Variants in LRP1B observed in about 807,000 individuals in gnomAD.
LRP1B encodes the protein LDL receptor related protein 1B, also known as low-density lipoprotein receptor-related protein 1B.
LRP1B carries 217 observed loss-of-function variants against 556.6 expected under a neutral mutation model. The ratio of observed to expected loss-of-function variants is 0.39; its 90% CI spans 0.35 to 0.44. The LOEUF (loss-of-function observed/expected upper bound fraction) is 0.44, where lower values mean the gene tolerates loss of function less well. Among genes scored for constraint, LRP1B ranks in the 20% least tolerant of loss-of-function variants. LRP1B has a pLI of 1.00. For synonymous variants in LRP1B, 2,047 were observed against 1,865.8 expected, an observed-to-expected ratio of 1.10 and a Z score of -2.50; for missense variants, 5,053 against 5,620.8, an observed-to-expected ratio of 0.90 and a Z score of 3.23.
intron 7 of LRP1B, among the ~76,000 whole-genome samples, chr2:141,108,334 C>CTT (rs60275697): frequency 0.043 from 3,757 of 87,818 alleles, 652 homozygotes; most frequent in Non-Finnish European, 0.046. Context: ...TAATCTGTTT[C>CTT]TTTTTTTTTT....
In LRP1B at chr2:141,583,225, T is replaced by A. The variant is rs540891366; in HGVS notation, c.206-102692A>T. 4.5e-4 allele frequency among the ~76,000 whole-genome samples: 69 copies of A among 152,132 alleles called. 1 individual carries two copies. Among genetic ancestry groups the A allele is most frequent in the African/African-American group, 1.6e-3 (68 of 41,522 alleles). ...GAAGACTTATTTCGCAACTGAAAAA[T>A]TGTATGGAAATCTGGAATGAGTAGC... On this transcript the variant is annotated intron_variant, in intron 2 of 90. Transcript: ENST00000389484.
At chr2:141,534,860 A>G (rs561438386) in intron 2 of LRP1B, among the ~76,000 whole-genome samples, 11 of 152,180 alleles carry the variant, frequency 7.2e-5, no homozygotes, top group African/African-American at 2.6e-4. Flanking sequence ...AAAATCTATG[A>G]CCTCAGGGAG....
At chr2:140,856,121 C>G (rs188062284) in intron 27 of LRP1B, among the ~76,000 whole-genome samples, 1 of 152,264 alleles carries the variant, frequency 6.6e-6, no homozygotes, top group East Asian at 1.9e-4. Context: ...TCTTCCAAGC[C>G]TCATCTACCA....
chr2:141,949,163 A>G (rs1462741528), intron 1 of LRP1B, among the ~76,000 whole-genome samples: 1 of 152,144 alleles, frequency 6.6e-6, no homozygotes, highest in Non-Finnish European at 1.5e-5. Flanking sequence ...AGATATTGGT[A>G]TCTAAGTATC....
At chr2:141,326,937 A>T (rs770204394) in intron 3 of LRP1B, among the ~76,000 whole-genome samples, 10 of 152,142 alleles carry the variant, frequency 6.6e-5, no homozygotes, top group African/African-American at 9.7e-5. Flanking sequence ...GTCAGGGGAA[A>T]TATCACGGCA....
chr2:141,872,353 C>G (rs1449027820), intron 1 of LRP1B, among the ~76,000 whole-genome samples: 1 of 151,730 alleles, frequency 6.6e-6, no homozygotes, highest in African/African-American at 2.4e-5. Flanking sequence ...AAAGAAATCT[C>G]AAGAGATGAA....
At chr2:140,325,202 T>G (rs562602645) in intron 80 of LRP1B, among the ~76,000 whole-genome samples, 1 of 151,794 alleles carries the variant, frequency 6.6e-6, no homozygotes. Flanking sequence ...GAGCTGGAAA[T>G]ATGAGACAGT....
chr2:142,021,782 A>T (rs1431438863), intron 1 of LRP1B, among the ~76,000 whole-genome samples: 1 of 152,164 alleles, frequency 6.6e-6, no homozygotes, highest in African/African-American at 2.4e-5. Flanking sequence ...ATAATAATAA[A>T]AAATTAACAC....
chr2:140,999,881 C>T (rs1340764890), intron 15 of LRP1B, among the ~76,000 whole-genome samples: 1 of 151,958 alleles, frequency 6.6e-6, no homozygotes, highest in African/African-American at 2.4e-5. Flanking sequence ...CCCATTCGTG[C>T]ATCTGGAGAA....
intron 2 of LRP1B, among the ~76,000 whole-genome samples, chr2:141,686,221 T>C (rs1036245513): frequency 2.0e-5 from 3 of 152,014 alleles, no homozygotes; most frequent in African/African-American, 7.2e-5. Flanking sequence ...AAATAAAGGT[T>C]CATAAAGCTC....
intron 86 of LRP1B, among the ~76,000 whole-genome samples, chr2:140,247,387 A>G (rs1358390567): frequency 6.6e-6 from 1 of 151,676 alleles, no homozygotes; most frequent in African/African-American, 2.4e-5. Context: ...GTAGATTTAT[A>G]GACATTTTAC....
chr2:141,237,137 T>A (rs1028445198), intron 5 of LRP1B, among the ~76,000 whole-genome samples: 1 of 152,122 alleles, frequency 6.6e-6, no homozygotes, highest in African/African-American at 2.4e-5. Flanking sequence ...AGTTCAAAAT[T>A]GCAGTTATTG....
intron 83 of LRP1B, among the ~76,000 whole-genome samples, chr2:140,303,508 A>G (rs1237365523): frequency 1.3e-5 from 2 of 152,110 alleles, no homozygotes; most frequent in South Asian, 2.1e-4. Context: ...CAGCCTCCCA[A>G]AGTGCTGGGA....
chr2:141,462,489 G>T (rs770119147), intron 3 of LRP1B, among the ~76,000 whole-genome samples: 6 of 151,212 alleles, frequency 4.0e-5, no homozygotes, highest in African/African-American at 1.5e-4. Flanking sequence ...ACCAGGGCCT[G>T]TTGGGGGGTG....
At chr2:140,871,385 C>T (rs1693123364) in intron 25 of LRP1B, among the ~76,000 whole-genome samples, 1 of 151,996 alleles carries the variant, frequency 6.6e-6, no homozygotes. Context: ...AAAATTTTCA[C>T]AGTCTTGCTA....
intron 66 of LRP1B, among the ~76,000 whole-genome samples, chr2:140,408,733 C>A (rs1684851734): frequency 6.6e-6 from 1 of 151,870 alleles, no homozygotes; most frequent in South Asian, 2.1e-4. Context: ...CCATAAAACC[C>A]TAAACCCTAA....
At chr2:140,706,333 T>C (rs758579369) in intron 37 of LRP1B, among the ~76,000 whole-genome samples, 3 of 152,176 alleles carry the variant, frequency 2.0e-5, no homozygotes, top group African/African-American at 7.2e-5. Context: ...GATGGGCACA[T>C]GTAGCCCTAC....
intron 1 of LRP1B, among the ~76,000 whole-genome samples, chr2:142,112,090 T>G (rs1282573998): frequency 1.3e-5 from 2 of 152,082 alleles, no homozygotes; most frequent in African/African-American, 4.8e-5. Flanking sequence ...TACTAGTACA[T>G]GTACCGATAA....
chr2:140,520,876 G>A (rs1051601003), intron 49 of LRP1B, among the ~76,000 whole-genome samples: 6 of 147,628 alleles, frequency 4.1e-5, no homozygotes, highest in African/African-American at 1.5e-4. Flanking sequence ...AGAACTTTTG[G>A]AATTAAAAAA....
Sources: allele counts gnomAD v4.1 joint callset (sites outside exome capture counted in the v4.1 genomes callset), GRCh38; gene constraint gnomAD v4.1.1; transcripts MANE v1.5; gene names NCBI Gene and HGNC (gene_info 2026-07-23, HGNC 2026-07-21).